Variants in NKD1 observed in about 807,000 individuals in gnomAD.
The protein encoded by NKD1 is protein naked cuticle homolog 1.
A neutral mutation model predicts 56.0 loss-of-function variants in NKD1; 21 were observed. That is an observed-to-expected ratio of 0.38 (90% CI 0.27 to 0.54). The LOEUF (loss-of-function observed/expected upper bound fraction) is 0.54. Ranked by LOEUF, NKD1 falls within the 20% of genes least tolerant of loss-of-function variation. The probability of loss-of-function intolerance (pLI) is 0.82; values close to 1 mark genes in which losing one functional copy is unlikely to be tolerated. For synonymous variants in NKD1, 263 were observed against 265.7 expected (o/e 0.99, Z 0.10); for missense variants, 578 against 642.7 (o/e 0.90, Z 1.09).
chr16:50,610,191 TTTTTAAAAA>T (rs1365333858), intron 4 of NKD1, among the ~76,000 whole-genome samples: 1 of 152,182 alleles, frequency 6.6e-6, no homozygotes, highest in Admixed American at 6.5e-5. Context: ...AAAACTATAT[TTTTTAAAAA>T]ATCAAAAAAC....
In NKD1 at chr16:50,632,239, G is replaced by C; in HGVS notation, c.696-42G>C. 6.2e-7 allele frequency: 1 copy of C among 1,609,236 alleles called. No individual in the cohort carries two copies. The highest frequency in any genetic ancestry group is 8.5e-7 in the Non-Finnish European group (1 of 1,176,368). On this transcript the variant is annotated intron_variant, in intron 8 of 9. Transcript: ENST00000268459. The surrounding 1 kb of genome is among the most constrained non-coding windows in gnomAD (Gnocchi z 4.1). ...GTAGCCTATGCGCTTGCCCCCACCT[G>C]GTGGTTGGTGTTATCCCACTCACTT...
rs568339292 is a variant in NKD1, at chr16:50,640,093, C to T, written c.*6312C>T. On this transcript the variant is annotated 3_prime_UTR_variant, in exon 10 of 10. Transcript: ENST00000268459. ...TACCCTTCAGAGAGCTCTTCCCCAG[C>T]CTCTACATCAGGGAGAGAGGTAGGT... is the stretch of plus-strand genomic sequence containing the variant. The T allele has an allele frequency of 3.6e-4, 55 of 152,336 alleles. No individual in the cohort carries two copies. Among genetic ancestry groups the T allele is most frequent in the African/African-American group, 1.3e-3 (53 of 41,548 alleles). The allele number at this position is 152,336 out of a possible 1,614,324, so 9.4% of individuals were successfully genotyped here. A position where few individuals can be genotyped will look rare whatever the true frequency, so the allele number is the denominator to read the frequency against.
intron 3 of NKD1, chr16:50,571,569 A>G: frequency 2.0e-6 from 2 of 982,070 alleles, no homozygotes; most frequent in Non-Finnish European, 2.4e-6. Context: ...CTCTCCATTC[A>G]TCTGTTGCTC....
At chr16:50,561,287 T>C (rs775495486) in intron 3 of NKD1, among the ~76,000 whole-genome samples, 13 of 151,638 alleles carry the variant, frequency 8.6e-5, no homozygotes, top group Non-Finnish European at 1.8e-4. Context: ...AGCCTGGGGG[T>C]GCCTCCAGCT....
intron 3 of NKD1, 37 bp downstream of exon 3, chr16:50,549,592 C>A: frequency 1.3e-6 from 2 of 1,524,364 alleles, no homozygotes; most frequent in Non-Finnish European, 1.8e-6. Context: ...TCCTGGCCTC[C>A]TTTCAGCCTC....
In NKD1 at chr16:50,641,327, T is replaced by G. The variant is rs1962575130; in HGVS notation, c.*7546T>G. On this transcript the variant is annotated 3_prime_UTR_variant, in exon 10 of 10. Coordinates refer to ENST00000268459, the MANE Select transcript of NKD1 (RefSeq NM_033119.5). ...CCCAGGAAGCTGTGGAGTCTGGAACTCTGCCCTGCCTTCCTGTCCCCTGCC... is the reference window on the plus strand; with the variant it reads ...CCCAGGAAGCTGTGGAGTCTGGAACGCTGCCCTGCCTTCCTGTCCCCTGCC... The G allele has an allele frequency of 6.6e-6, 1 of 152,316 alleles. No homozygotes were observed. The highest frequency in any genetic ancestry group is 2.4e-5 in the African/African-American group (1 of 41,454). The allele number at this position is 152,316 out of a possible 1,614,324, so 9.4% of individuals were successfully genotyped here.
At chr16:50,627,702 C>T (rs927224130) in intron 6 of NKD1, among the ~76,000 whole-genome samples, 2 of 152,196 alleles carry the variant, frequency 1.3e-5, no homozygotes, top group African/African-American at 2.4e-5. Flanking sequence ...CCCCTTCAGG[C>T]GTTCGTTCAT....
At chr16:50,625,127 C>T (rs752264312) in intron 5 of NKD1, 23 of 324,570 alleles carry the variant, frequency 7.1e-5, no homozygotes, top group Non-Finnish European at 1.1e-4. Flanking sequence ...TCCTGGGGCT[C>T]CCAAATTGCC....
intron 4 of NKD1, among the ~76,000 whole-genome samples, chr16:50,620,532 G>A (rs1185010489): frequency 6.6e-6 from 1 of 152,188 alleles, no homozygotes; most frequent in Non-Finnish European, 1.5e-5. Context: ...CGGAGTAGGA[G>A]CCAGGCTGTT....
rs980781913 is a variant in NKD1 at position 50,633,102 on chromosome 16, A to G, written c.824-90A>G. 21 of 1,238,848 alleles carry G rather than the reference A, an allele frequency of 1.7e-5. No individual in the cohort carries two copies. The African/African-American group carries it at 2.6e-4, about 16-fold the overall frequency. 76.7% of individuals were successfully genotyped at this position (1,238,848 alleles called of 1,614,324 possible). A position where few individuals can be genotyped will look rare whatever the true frequency, so the allele number is the denominator to read the frequency against. ...CATTGGGGGGTAGCTCTGGTTTTGG[A>G]GAACTGGGGGCGGGGGTGATGTCTG... On this transcript the variant is annotated intron_variant, in intron 9 of 9. Transcript: ENST00000268459. The surrounding 1 kb of genome is among the most constrained non-coding windows in gnomAD (Gnocchi z 4.9).
Position 50,633,834 on chromosome 16 carries a change from C to A in NKD1, c.*53C>A. ...ATATGAAGGACCCCACCCCCGACAC[C>A]ACAAGGCATTATTATTCTATTAATT... On this transcript the variant is annotated 3_prime_UTR_variant, in exon 10 of 10. Transcript: ENST00000268459. The surrounding 1 kb of genome is among the most constrained non-coding windows in gnomAD (Gnocchi z 4.9). 1.2e-6 allele frequency: 1 copy of A among 801,038 alleles called. No individual in the cohort carries two copies. The highest frequency in any genetic ancestry group is 1.9e-6 in the Non-Finnish European group (1 of 519,908). 49.6% of individuals were successfully genotyped at this position (801,038 alleles called of 1,614,324 possible). A position where few individuals can be genotyped will look rare whatever the true frequency, so the allele number is the denominator to read the frequency against.
intron 3 of NKD1, 134 bp downstream of exon 3, chr16:50,549,689 C>T (rs1193212191): frequency 2.2e-6 from 2 of 922,220 alleles, no homozygotes; most frequent in South Asian, 3.8e-5. Context: ...TCAGCTGCCC[C>T]CTGCCCCACC....
chr16:50,554,709 G>A (rs777209845), intron 3 of NKD1, among the ~76,000 whole-genome samples: 1 of 152,134 alleles, frequency 6.6e-6, no homozygotes, highest in Non-Finnish European at 1.5e-5. Context: ...ATAGCTCACT[G>A]TGGCCTCACA....
At chr16:50,577,641 C>T (rs754942007) in intron 3 of NKD1, among the ~76,000 whole-genome samples, 4 of 152,104 alleles carry the variant, frequency 2.6e-5, no homozygotes, top group Non-Finnish European at 4.4e-5. Flanking sequence ...AAACTTTGTA[C>T]CCCTTGGCCA....
chr16:50,622,472 TGC>T (rs2151279065), intron 5 of NKD1, among the ~76,000 whole-genome samples: 1 of 152,242 alleles, frequency 6.6e-6, no homozygotes, highest in South Asian at 2.1e-4. Context: ...CCCACTGCTC[TGC>T]CCTCCTTGCT....
At chr16:50,626,177 C>T (rs1962209835) in intron 6 of NKD1, among the ~76,000 whole-genome samples, 1 of 152,240 alleles carries the variant, frequency 6.6e-6, no homozygotes, top group Non-Finnish European at 1.5e-5. Context: ...GCTCAGGGCC[C>T]TCCTCCTGCA....
intron 5 of NKD1, 54 bp from the exon 6 acceptor site, chr16:50,625,431 C>T: frequency 8.0e-7 from 1 of 1,257,530 alleles, no homozygotes; most frequent in Non-Finnish European, 1.2e-6. Context: ...TTCCACTACC[C>T]AGTCAGTGTT....
In NKD1 at chr16:50,610,121, A is replaced by G. The variant is rs534634559; in HGVS notation, c.259+1761A>G. Among the ~76,000 whole-genome samples, 85 of 152,344 alleles carry G rather than the reference A, an allele frequency of 5.6e-4. 1 individual carries two copies. Among genetic ancestry groups the G allele is most frequent in the African/African-American group, 1.9e-3 (80 of 41,590 alleles). ...TGAGGCTGGAGGATCGCTTGAGCTC[A>G]TGAGTTCAAGACCAGCCTGGGCAAC... On this transcript the variant is annotated intron_variant, in intron 4 of 9. Coordinates refer to ENST00000268459, the MANE Select transcript of NKD1 (RefSeq NM_033119.5).
intron 3 of NKD1, chr16:50,562,170 C>T (rs1960648218): frequency 9.3e-6 from 2 of 216,010 alleles, no homozygotes; most frequent in Non-Finnish European, 1.6e-5. Context: ...TGGTCAAAGC[C>T]CAGCGAGTAA....
Sources: allele counts gnomAD v4.1 joint callset (sites outside exome capture counted in the v4.1 genomes callset), GRCh38; gene constraint gnomAD v4.1.1; non-coding constraint Gnocchi (gnomAD v3.1); transcripts MANE v1.5; gene names NCBI Gene and HGNC (gene_info 2026-07-23, HGNC 2026-07-21).